ZHX2: variants seen among roughly 807,000 people sequenced by gnomAD.
ZHX2 encodes zinc fingers and homeoboxes 2, also known as zinc fingers and homeoboxes protein 2.
A neutral mutation model predicts 21.9 loss-of-function variants in ZHX2; 6 were observed. The observed-to-expected ratio is 0.27, with a 90% CI of 0.15 to 0.54. The LOEUF (loss-of-function observed/expected upper bound fraction) is 0.54. Among genes scored for constraint, ZHX2 ranks in the 20% least tolerant of loss-of-function variants. The pLI is 0.95. For missense variants in ZHX2, 908 were observed against 1,090.7 expected (o/e 0.83, Z 2.36); for synonymous variants, 434 against 437.1 (o/e 0.99, Z 0.09).
chr8:122,910,979 C>T (rs1586381544), intron 2 of ZHX2, among the ~76,000 whole-genome samples: 1 of 152,208 alleles, frequency 6.6e-6, no homozygotes, highest in East Asian at 1.9e-4. Flanking sequence ...CTACATGTTC[C>T]TGTTATAAGT....
chr8:122,945,436 CAAA>C (rs60890533), intron 2 of ZHX2, among the ~76,000 whole-genome samples: 33 of 73,654 alleles, frequency 4.5e-4, no homozygotes, highest in Non-Finnish European at 5.1e-4. Context: ...CCTGTCTCTG[CAAA>C]AAAAAAAAAA....
intron 1 of ZHX2, among the ~76,000 whole-genome samples, chr8:122,850,660 G>T (rs1259136039): frequency 7.9e-6 from 1 of 126,466 alleles, no homozygotes; most frequent in African/African-American, 2.9e-5. Flanking sequence ...AAAAAAAAAT[G>T]CCACCACTAC....
At chr8:122,884,256 G>A (rs1819785051) in intron 2 of ZHX2, among the ~76,000 whole-genome samples, 1 of 152,190 alleles carries the variant, frequency 6.6e-6, no homozygotes, top group South Asian at 2.1e-4. Flanking sequence ...TGTTATGTGG[G>A]GCATGACTGT....
intron 2 of ZHX2, among the ~76,000 whole-genome samples, chr8:122,919,718 C>A (rs1280346227): frequency 6.6e-6 from 1 of 152,160 alleles, no homozygotes; most frequent in African/African-American, 2.4e-5. Flanking sequence ...GATGAAGATA[C>A]AGGGCCCAAA....
chr8:122,792,852 G>C (rs1300600697), intron 1 of ZHX2, among the ~76,000 whole-genome samples: 1 of 152,188 alleles, frequency 6.6e-6, no homozygotes, highest in Non-Finnish European at 1.5e-5. Context: ...GCACCCGAGA[G>C]TGTGTCCTTA....
intron 3 of ZHX2, among the ~76,000 whole-genome samples, chr8:122,954,419 C>A (rs1211394045): frequency 6.6e-6 from 1 of 152,114 alleles, no homozygotes; most frequent in Admixed American, 6.5e-5. Context: ...GCGATCCTCC[C>A]CCCTCAGCTT....
Position 122,802,746 on chromosome 8 carries a change from C to T in ZHX2, c.-283+20800C>T, listed in dbSNP as rs190480445. Among the ~76,000 whole-genome samples the T allele has an allele frequency of 5.4e-4, 82 of 152,314 alleles. 1 individual carries two copies. The highest frequency in any genetic ancestry group is 3.4e-3 in the Middle Eastern group (1 of 294). On this transcript the variant is annotated intron_variant, in intron 1 of 3. Transcript: ENST00000314393. ...GCAGGAGATGTGTTCTGGGTCCCAA[C>T]GCCTGGCTGGTAAAGTGAATGGGTT...
At chr8:122,965,746 G>C (rs1813571944) in intron 3 of ZHX2, among the ~76,000 whole-genome samples, 1 of 152,128 alleles carries the variant, frequency 6.6e-6, no homozygotes, top group African/African-American at 2.4e-5. Flanking sequence ...TGTCAGTGTA[G>C]TGTTGAAGTC....
intron 1 of ZHX2, among the ~76,000 whole-genome samples, chr8:122,834,884 A>T (rs1014777800): frequency 2.6e-5 from 4 of 152,332 alleles, no homozygotes; most frequent in Admixed American, 1.3e-4. Flanking sequence ...AAGGAGACAC[A>T]CAATTATGTG....
chr8:122,879,430 C>G (rs778831424), intron 2 of ZHX2, among the ~76,000 whole-genome samples: 12 of 151,794 alleles, frequency 7.9e-5, no homozygotes, highest in African/African-American at 1.2e-4. Flanking sequence ...TGGTCTCAAT[C>G]TCTTGACCTC....
intron 3 of ZHX2, among the ~76,000 whole-genome samples, chr8:122,956,821 A>C (rs1461077085): frequency 6.6e-6 from 1 of 152,118 alleles, no homozygotes; most frequent in Non-Finnish European, 1.5e-5. Context: ...CCCATGGCTG[A>C]GTGGGAGGTT....
intron 2 of ZHX2, among the ~76,000 whole-genome samples, chr8:122,950,940 G>A (rs528162809): frequency 1.0e-3 from 152 of 152,086 alleles, no homozygotes; most frequent in African/African-American, 3.5e-3. Context: ...TCTCGCTTCC[G>A]AGGTACCATA....
chr8:122,896,228 T>C (rs567452249), intron 2 of ZHX2, among the ~76,000 whole-genome samples: 8 of 151,968 alleles, frequency 5.3e-5, no homozygotes, highest in African/African-American at 1.9e-4. Flanking sequence ...TAGGACTCTT[T>C]TTTTTTTTTT....
chr8:122,827,067 C>G (rs764835151), intron 1 of ZHX2, among the ~76,000 whole-genome samples: 5 of 152,180 alleles, frequency 3.3e-5, no homozygotes, highest in Non-Finnish European at 7.3e-5. Flanking sequence ...CGCTCCCAGG[C>G]TGGAGGGCAG....
chr8:122,829,963 C>T (rs2130668958), intron 1 of ZHX2, among the ~76,000 whole-genome samples: 1 of 152,304 alleles, frequency 6.6e-6, no homozygotes, highest in South Asian at 2.1e-4. Flanking sequence ...GGGACGGAAG[C>T]ATGTTAAGTT....
At chr8:122,859,208 G>A (rs867956392) in intron 1 of ZHX2, among the ~76,000 whole-genome samples, 1 of 152,174 alleles carries the variant, frequency 6.6e-6, no homozygotes. Context: ...TATCTCCTGG[G>A]GTCTAGCGGG....
intron 2 of ZHX2, among the ~76,000 whole-genome samples, chr8:122,906,236 A>C (rs1820344448): frequency 6.6e-6 from 1 of 152,262 alleles, no homozygotes; most frequent in Non-Finnish European, 1.5e-5. Flanking sequence ...CTGTCAATTA[A>C]ACAAAACTAT....
chr8:122,873,711 T>C (rs1007912857), intron 2 of ZHX2, among the ~76,000 whole-genome samples: 1 of 152,216 alleles, frequency 6.6e-6, no homozygotes, highest in African/African-American at 2.4e-5. Context: ...CTAGAGGTCA[T>C]AGTCCGAAAT....
intron 1 of ZHX2, among the ~76,000 whole-genome samples, chr8:122,851,780 G>C (rs974895393): frequency 6.6e-6 from 1 of 152,164 alleles, no homozygotes; most frequent in Admixed American, 6.5e-5. Flanking sequence ...GTAAATAAAT[G>C]TTCCCTGGCT....
Sources: gnomAD v4.1 joint callset for allele counts (sites outside exome capture counted in the v4.1 genomes callset) on GRCh38, gnomAD v4.1.1 for gene constraint, MANE v1.5 for transcripts, NCBI Gene and HGNC (gene_info 2026-07-23, HGNC 2026-07-21) for gene names.